SFRP1: variants seen among roughly 807,000 people sequenced by gnomAD.
The protein encoded by SFRP1 is secreted frizzled related protein 1, also known as secreted frizzled-related protein 1.
Under a neutral mutation model 25.9 loss-of-function variants are expected in SFRP1, and 9 were observed. The observed-to-expected ratio is 0.35, with a 90% CI of 0.21 to 0.61. SFRP1 has a LOEUF of 0.61. Ranked by LOEUF, SFRP1 falls within the 20% of genes least tolerant of loss-of-function variation. SFRP1 has a pLI of 0.78. For synonymous variants in SFRP1, 178 were observed against 174.0 expected, an observed-to-expected ratio of 1.02 and a Z score of -0.18; for missense variants, 346 against 418.2, an observed-to-expected ratio of 0.83 and a Z score of 1.51.
At chr8:41,306,173 G>GA (rs79525949) in intron 1 of SFRP1, among the ~76,000 whole-genome samples, 47,663 of 152,028 alleles carry the variant, frequency 0.31, 8,793 homozygotes, top group South Asian at 0.42. Flanking sequence ...CTTTGCAGGG[G>GA]AAAAATGTCA....
At chr8:41,303,433 C>T in intron 2 of SFRP1, 28 bp downstream of exon 2, 2 of 1,585,952 alleles carry the variant, frequency 1.3e-6, no homozygotes, top group South Asian at 2.2e-5. Flanking sequence ...TCCAAACCTT[C>T]CAGAGGCAGC....
intron 1 of SFRP1, chr8:41,306,662 C>A: frequency 1.9e-6 from 3 of 1,565,564 alleles, no homozygotes; most frequent in Non-Finnish European, 2.6e-6. Context: ...CCACTCCCGA[C>A]CGGCCCTCTC....
chr8:41,285,332 G>A (rs1177587882), intron 2 of SFRP1, among the ~76,000 whole-genome samples: 2 of 151,922 alleles, frequency 1.3e-5, no homozygotes, highest in Admixed American at 1.3e-4. Flanking sequence ...CGTTCCCCAC[G>A]CACTATTCCC....
chr8:41,309,163 G>T lies in SFRP1; in HGVS notation c.-4C>A. ...CCTCGCTGCGCCCGATGCCCATGCC[G>T]GCTCTGCGCCCTGTTCTCCGCGACG... is the stretch of plus-strand genomic sequence containing the variant. On this transcript the variant is annotated 5_prime_UTR_variant, in exon 1 of 3. Transcript: ENST00000220772. 1 of 1,372,274 alleles carries T rather than the reference G, an allele frequency of 7.3e-7. No homozygotes were observed. The highest frequency in any genetic ancestry group is 1.8e-5 in the South Asian group (1 of 56,350). The allele number at this position is 1,372,274 out of a possible 1,614,324, so 85.0% of individuals were successfully genotyped here. A position where few individuals can be genotyped will look rare whatever the true frequency, so the allele number is the denominator to read the frequency against.
rs779789689 is a variant in SFRP1 at position 41,265,254 on chromosome 8, C to G, written c.858G>C (p.Lys286Asn). ...KSQYLLTAIH[K>N]WDKKNKEFKN... ...TGAACTCCTTGTTTTTCTTGTCCCA[C>G]TTGTGGATGGCCGTCAGCAAGTACT... The change falls in exon 3 of 3, where the codon AAG (lysine) becomes AAC (asparagine). Residue 286 changes from lysine (K) to asparagine (N), a missense_variant. Coordinates refer to ENST00000220772, the MANE Select transcript of SFRP1 (RefSeq NM_003012.5). 28 of 1,614,018 alleles carry G rather than the reference C, an allele frequency of 1.7e-5. No homozygotes were observed. The highest frequency in any genetic ancestry group is 2.2e-5 in the Non-Finnish European group (26 of 1,180,036).
chr8:41,290,521 G>A (rs946552415), intron 2 of SFRP1, among the ~76,000 whole-genome samples: 67 of 152,178 alleles, frequency 4.4e-4, no homozygotes, highest in Non-Finnish European at 1.5e-4. Context: ...CCAGCTCTGC[G>A]GTGACCTAAG....
chr8:41,282,189 T>C (rs77550034), intron 2 of SFRP1, among the ~76,000 whole-genome samples: 3,716 of 152,344 alleles, frequency 0.024, 53 homozygotes, highest in Non-Finnish European at 0.04. Context: ...TTCAGATGTG[T>C]GCACCTTGTA....
chr8:41,291,110 A>T (rs1803774113), intron 2 of SFRP1, among the ~76,000 whole-genome samples: 5 of 150,978 alleles, frequency 3.3e-5, no homozygotes, highest in African/African-American at 9.7e-5. Context: ...GGGTTTCCCC[A>T]TGTTAGCCAG....
intron 2 of SFRP1, among the ~76,000 whole-genome samples, chr8:41,273,564 T>A (rs535005233): frequency 6.6e-6 from 1 of 152,264 alleles, no homozygotes; most frequent in South Asian, 2.1e-4. Flanking sequence ...ATGTTTTGTA[T>A]AAGAGAAGGA....
rs146505146 is a variant in SFRP1, at chr8:41,269,336, G to A, written c.623-3847C>T. 1.1e-3 allele frequency among the ~76,000 whole-genome samples: 168 copies of A among 152,230 alleles called. 1 individual carries two copies. Among genetic ancestry groups the A allele is most frequent in the African/African-American group, 3.9e-3 (162 of 41,538 alleles). On this transcript the variant is annotated intron_variant, in intron 2 of 2. Transcript: ENST00000220772. Reference sequence around the variant, plus strand: ...AGGACATGACTCCCACCTAGGCATAGCTGCCAGCAAGAATTCAGAGACCCA... The same window carrying A: ...AGGACATGACTCCCACCTAGGCATAACTGCCAGCAAGAATTCAGAGACCCA...
chr8:41,272,765 CA>C (rs1803526841), intron 2 of SFRP1, among the ~76,000 whole-genome samples: 1 of 151,940 alleles, frequency 6.6e-6, no homozygotes, highest in Non-Finnish European at 1.5e-5. Flanking sequence ...GGTATTATAG[CA>C]AGAGAGAACA....
chr8:41,309,137 C>A lies in SFRP1; in HGVS notation c.23G>T (p.Gly8Val). ...GCCCAGGGCTGCCCCGCGGCGGCCC[C>A]CCTCGCTGCGCCCGATGCCCATGCC... Reference protein sequence around the residue: MGIGRSEGGRRGAALGVL... With the variant: MGIGRSEVGRRGAALGVL... The change falls in exon 1 of 3, where the codon GGG becomes GTG. Residue 8 changes from glycine (G) to valine (V), a missense_variant. Gly to Val is a moderately radical substitution (Grantham distance 109). Transcript: ENST00000220772. 1 of 1,430,606 alleles carries A rather than the reference C, an allele frequency of 7.0e-7. No individual in the cohort carries two copies. Among genetic ancestry groups the A allele is most frequent in the South Asian group, 1.5e-5 (1 of 66,986 alleles). The allele number at this position is 1,430,606 out of a possible 1,614,324, so 88.6% of individuals were successfully genotyped here. A position where few individuals can be genotyped will look rare whatever the true frequency, so the allele number is the denominator to read the frequency against.
intron 2 of SFRP1, among the ~76,000 whole-genome samples, chr8:41,287,875 G>A (rs1803724926): frequency 6.6e-6 from 1 of 152,186 alleles, no homozygotes; most frequent in Non-Finnish European, 1.5e-5. Flanking sequence ...GCCCTTCCAG[G>A]GATGCCACAT....
intron 2 of SFRP1, chr8:41,276,984 C>G (rs544273640): frequency 2.2e-6 from 1 of 456,344 alleles, no homozygotes; most frequent in Non-Finnish European, 4.4e-6. Flanking sequence ...TGTCAGCCAT[C>G]CAGAATCCTG....
At position 41,301,539 on chromosome 8, in the gene SFRP1, A is replaced by G. The variant is rs77368531; in HGVS notation, c.622+1922T>C. On this transcript the variant is annotated intron_variant, in intron 2 of 2. Transcript: ENST00000220772. ...TGCAACCAGCTCAAAGAAGCCTGCC[A>G]TACACCATACGCACACTAAGGAGGT... 1.8e-3 allele frequency among the ~76,000 whole-genome samples: 274 copies of G among 152,328 alleles called. 4 individuals are homozygous for G. Among genetic ancestry groups the G allele is most frequent in the African/African-American group, 6.0e-3 (250 of 41,574 alleles).
At chr8:41,308,586 G>C in intron 1 of SFRP1, 30 bp downstream of exon 1, 1 of 1,519,218 alleles carries the variant, frequency 6.6e-7, no homozygotes, top group Non-Finnish European at 8.9e-7. Flanking sequence ...GGAGGGGGCG[G>C]CTCGCGCACG....
rs111479255 is a variant in SFRP1 at position 41,299,571 on chromosome 8, T to C, written c.622+3890A>G. ...ATCCCAGCATTTTGGGAGGCCAAGGTAGGGGGATCGCTTGAGCCCGGGGGG... is the reference window on the plus strand; with the variant it reads ...ATCCCAGCATTTTGGGAGGCCAAGGCAGGGGGATCGCTTGAGCCCGGGGGG... On this transcript the variant is annotated intron_variant, in intron 2 of 2. Transcript: ENST00000220772. Among the ~76,000 whole-genome samples the C allele has an allele frequency of 1.0e-4, 2 of 19,700 alleles. 1 individual carries two copies. Among genetic ancestry groups the C allele is most frequent in the Non-Finnish European group, 1.9e-4 (2 of 10,750 alleles). 12.9% of individuals were successfully genotyped at this position (19,700 alleles called of 152,430 possible). A position where few individuals can be genotyped will look rare whatever the true frequency, so the allele number is the denominator to read the frequency against.
rs13635 is a variant in SFRP1 at position 41,264,740 on chromosome 8, C to T, written c.*427G>A. 0.045 allele frequency: 7,355 copies of T among 165,072 alleles called. 543 individuals are homozygous for T. The highest frequency in any genetic ancestry group is 0.16 in the African/African-American group (6,834 of 41,826). 10.2% of individuals were successfully genotyped at this position (165,072 alleles called of 1,614,324 possible). On this transcript the variant is annotated 3_prime_UTR_variant, in exon 3 of 3. Coordinates refer to ENST00000220772, the MANE Select transcript of SFRP1 (RefSeq NM_003012.5). ...CCTGAAAACAACGTGACTTGCCAAT[C>T]ATTAGAATTTTCTAGTTGAAAGGCA...
At chr8:41,281,987 A>G (rs1464057777) in intron 2 of SFRP1, among the ~76,000 whole-genome samples, 1 of 152,216 alleles carries the variant, frequency 6.6e-6, no homozygotes, top group Non-Finnish European at 1.5e-5. Context: ...CTGCTAGGAC[A>G]ATTCACGAGA....
Sources: allele counts gnomAD v4.1 joint callset (sites outside exome capture counted in the v4.1 genomes callset), GRCh38; gene constraint gnomAD v4.1.1; transcripts MANE v1.5; gene names NCBI Gene and HGNC (gene_info 2026-07-23, HGNC 2026-07-21).